The following TRIM2 variants were observed in gnomAD, a reference collection of about 807,000 sequenced individuals.
TRIM2 encodes the protein tripartite motif-containing protein 2.
TRIM2 carries 20 observed loss-of-function variants against 75.2 expected under a neutral mutation model. That is an observed-to-expected ratio of 0.27 (90% CI 0.19 to 0.39). The LOEUF (loss-of-function observed/expected upper bound fraction) is 0.39. Among genes scored for constraint, TRIM2 ranks in the 10% least tolerant of loss-of-function variants. The probability of loss-of-function intolerance (pLI) is 1.00; values close to 1 mark genes in which losing one functional copy is unlikely to be tolerated. For synonymous variants in TRIM2, 373 were observed against 388.3 expected, an observed-to-expected ratio of 0.96 and a Z score of 0.46; for missense variants, 660 against 990.8, an observed-to-expected ratio of 0.67 and a Z score of 4.48.
intron 2 of TRIM2, among the ~76,000 whole-genome samples, chr4:153,271,989 G>T (rs1486681274): frequency 6.6e-6 from 1 of 152,110 alleles, no homozygotes; most frequent in African/African-American, 2.4e-5. Context: ...GTCTGCCCCT[G>T]CTATCTTCTT....
At chr4:153,214,723 T>C (rs1579637348) in intron 1 of TRIM2, among the ~76,000 whole-genome samples, 1 of 152,218 alleles carries the variant, frequency 6.6e-6, no homozygotes, top group Non-Finnish European at 1.5e-5. Context: ...AGAGGTGTTG[T>C]TAGCTAGATC....
chr4:153,211,449 G>A (rs769401060), intron 1 of TRIM2, among the ~76,000 whole-genome samples: 13 of 149,428 alleles, frequency 8.7e-5, no homozygotes, highest in Non-Finnish European at 1.5e-4. Flanking sequence ...TTGTTTGTTT[G>A]TTTTTGCTTG....
intron 8 of TRIM2, among the ~76,000 whole-genome samples, chr4:153,316,394 C>T (rs1452638526): frequency 1.3e-5 from 2 of 152,100 alleles, no homozygotes; most frequent in Non-Finnish European, 2.9e-5. Context: ...TTTCTCAGGC[C>T]TGTGACAGAT....
intron 3 of TRIM2, among the ~76,000 whole-genome samples, chr4:153,279,335 A>G (rs1342702953): frequency 1.3e-5 from 2 of 152,224 alleles, no homozygotes; most frequent in Admixed American, 6.5e-5. Context: ...CTAGGTCACA[A>G]AGAAAATACC....
intron 1 of TRIM2, among the ~76,000 whole-genome samples, chr4:153,252,215 A>G (rs922369215): frequency 6.6e-6 from 1 of 152,124 alleles, no homozygotes; most frequent in Non-Finnish European, 1.5e-5. Flanking sequence ...TGCCTCTTCT[A>G]GTTGGTTATA....
intron 2 of TRIM2, among the ~76,000 whole-genome samples, chr4:153,270,859 C>G (rs1756501492): frequency 6.6e-6 from 1 of 152,068 alleles, no homozygotes; most frequent in Admixed American, 6.5e-5. Context: ...CTTTCAGAGT[C>G]AATTAAAAAA....
intron 1 of TRIM2, among the ~76,000 whole-genome samples, chr4:153,231,548 G>C (rs1441009941): frequency 6.6e-6 from 1 of 152,126 alleles, no homozygotes; most frequent in Non-Finnish European, 1.5e-5. Flanking sequence ...AGGAGGGACT[G>C]AGCAGGTCTA....
In TRIM2 at chr4:153,338,424, G is replaced by A; in HGVS notation, c.*3458G>A. On this transcript the variant is annotated 3_prime_UTR_variant, in exon 12 of 12. Transcript: ENST00000338700. Reference sequence around the variant, plus strand: ...ATAATTTAAAAACAAGACATCTCCAGGTAGGAAAAAATGAAAGCTATTTCA... The same window carrying A: ...ATAATTTAAAAACAAGACATCTCCAAGTAGGAAAAAATGAAAGCTATTTCA... The A allele has an allele frequency of 1.3e-5, 13 of 985,668 alleles. No individual in the cohort carries two copies. The highest frequency in any genetic ancestry group is 1.6e-5 in the Non-Finnish European group (13 of 829,838). 61.1% of individuals were successfully genotyped at this position (985,668 alleles called of 1,614,324 possible). A position where few individuals can be genotyped will look rare whatever the true frequency, so the allele number is the denominator to read the frequency against.
At chr4:153,184,843 C>T (rs191293113) in intron 1 of TRIM2, among the ~76,000 whole-genome samples, 5 of 152,306 alleles carry the variant, frequency 3.3e-5, no homozygotes, top group Admixed American at 3.3e-4. Flanking sequence ...TCTGCTGCCA[C>T]CTTCATGCCT....
chr4:153,283,120 T>A (rs1759740682), intron 3 of TRIM2, among the ~76,000 whole-genome samples: 1 of 152,170 alleles, frequency 6.6e-6, no homozygotes, highest in East Asian at 1.9e-4. Flanking sequence ...TGGTTTTTAG[T>A]ATAGTCACAA....
At chr4:153,269,242 C>A (rs1236474829) in intron 1 of TRIM2, among the ~76,000 whole-genome samples, 2 of 152,098 alleles carry the variant, frequency 1.3e-5, no homozygotes, top group Admixed American at 6.5e-5. Flanking sequence ...TGACAAAGGA[C>A]AATATATTGC....
chr4:153,261,106 G>T (rs564857662), intron 1 of TRIM2, among the ~76,000 whole-genome samples: 3 of 152,170 alleles, frequency 2.0e-5, no homozygotes, highest in Non-Finnish European at 4.4e-5. Context: ...GCAGATGTTT[G>T]CATGTCTGCA....
rs960569873 is a variant in TRIM2, at chr4:153,229,927, G to A, written c.30+25367G>A. 3.3e-5 allele frequency among the ~76,000 whole-genome samples: 5 copies of A among 152,258 alleles called. 1 individual carries two copies. Among genetic ancestry groups the A allele is most frequent in the Admixed American group, 6.5e-5 (1 of 15,302 alleles). On this transcript the variant is annotated intron_variant, in intron 1 of 11. Transcript: ENST00000338700. ...TAAATGCATTCACCAAGTACTGCCA[G>A]GTCTTTCTACCTCTGCAGAGTTTAG...
chr4:153,242,204 G>A (rs1228081350), intron 1 of TRIM2, among the ~76,000 whole-genome samples: 2 of 152,290 alleles, frequency 1.3e-5, no homozygotes, highest in South Asian at 2.1e-4. Context: ...ATGTAACTCC[G>A]CTCTTACATG....
intron 3 of TRIM2, among the ~76,000 whole-genome samples, chr4:153,287,297 C>A (rs1713411792): frequency 6.6e-6 from 1 of 152,116 alleles, no homozygotes; most frequent in South Asian, 2.1e-4. Context: ...TCACTTTCAA[C>A]CTATTTGAGT....
Position 153,295,942 on chromosome 4 carries a change from C to T in TRIM2, c.1416C>T (p.His472=). ...KRRVKSPGSG[H]VKQKAVKRPA... is the part of the protein sequence containing the mutation. ...GCGTTAAGTCCCCGGGGAGCGGCCA[C>T]GTCAAGCAGAAAGCTGTGAAAAGAC... The change falls in exon 6 of 12, where the codon CAC becomes CAT. Residue 472 remains histidine, a synonymous_variant. Coordinates refer to ENST00000338700, the MANE Select transcript of TRIM2 (RefSeq NM_015271.5). This position sits in a 1 kb window ranked among gnomAD's most constrained non-coding sequence, Gnocchi z 7.2. 1.9e-6 allele frequency: 3 copies of T among 1,589,266 alleles called. No individual in the cohort carries two copies. The highest frequency in any genetic ancestry group is 1.7e-6 in the Non-Finnish European group (2 of 1,169,050).
intron 1 of TRIM2, among the ~76,000 whole-genome samples, chr4:153,255,267 A>T (rs1162253931): frequency 6.6e-6 from 1 of 152,212 alleles, no homozygotes; most frequent in African/African-American, 2.4e-5. Context: ...TGATTGAATG[A>T]GTAAGTTAAC....
chr4:153,244,355 C>CTCTTCA lies in TRIM2; in HGVS notation c.31-25975_31-25974insATCTTC, dbSNP rs1560874309. On this transcript the variant is annotated intron_variant, in intron 1 of 11. Transcript: ENST00000338700. ...CTTCTTCTTCTTCTTCTTCTTCTTC[C>CTCTTCA]TCTTCTTCTTCTTCTTCTTCTTCTT... 1.6e-4 allele frequency among the ~76,000 whole-genome samples: 2 copies of CTCTTCA among 12,714 alleles called. 1 individual carries two copies. The highest frequency in any genetic ancestry group is 2.6e-4 in the Non-Finnish European group (2 of 7,632). 8.3% of individuals were successfully genotyped at this position (12,714 alleles called of 152,430 possible). A position where few individuals can be genotyped will look rare whatever the true frequency, so the allele number is the denominator to read the frequency against.
At position 153,270,381 on chromosome 4, in the gene TRIM2, C is replaced by T; in HGVS notation, c.77C>T (p.Ser26Phe). ...ACAGCCGGCCCCCCATGTCAGTGGT[C>T]TAGGATGGCCAGTGAAGGCACCAAC... ...SKTAGPPCQWSRMASEGTNIP... is the reference protein window; with the variant it reads ...SKTAGPPCQWFRMASEGTNIP... Residue 26 changes from serine (S) to phenylalanine (F), a missense_variant, in exon 2 of 12, where the codon TCT becomes TTT. Transcript: ENST00000338700. 6.2e-7 allele frequency: 1 copy of T among 1,613,954 alleles called. No individual in the cohort carries two copies. The highest frequency in any genetic ancestry group is 8.5e-7 in the Non-Finnish European group (1 of 1,179,916).
Sources: allele counts gnomAD v4.1 joint callset (sites outside exome capture counted in the v4.1 genomes callset), GRCh38; gene constraint gnomAD v4.1.1; non-coding constraint Gnocchi (gnomAD v3.1); transcripts MANE v1.5; gene names NCBI Gene and HGNC (gene_info 2026-07-23, HGNC 2026-07-21).